Variants in PDE4D observed in about 807,000 individuals in gnomAD.
PDE4D encodes phosphodiesterase 4D.
A neutral mutation model predicts 87.4 loss-of-function variants in PDE4D; 24 were observed. The observed-to-expected ratio is 0.27, with a 90% CI of 0.20 to 0.39. The LOEUF (loss-of-function observed/expected upper bound fraction) is 0.39, where lower values mean the gene tolerates loss of function less well. PDE4D is among the 10% of genes least tolerant of loss of function. PDE4D has a pLI of 1.00. For synonymous variants in PDE4D, 384 were observed against 383.2 expected (o/e 1.00, Z -0.02); for missense variants, 714 against 1,041.0 (o/e 0.69, Z 4.32).
intron 6 of PDE4D, among the ~76,000 whole-genome samples, chr5:59,034,906 A>C (rs919128515): frequency 6.6e-6 from 1 of 152,220 alleles, no homozygotes; most frequent in East Asian, 1.9e-4. Context: ...TTATAGTGAT[A>C]TGTCTTGGGA....
intron 1 of PDE4D, among the ~76,000 whole-genome samples, chr5:59,499,303 A>G (rs904172899): frequency 4.0e-5 from 6 of 151,458 alleles, no homozygotes; most frequent in South Asian, 4.2e-4. Context: ...CTGAATGTCT[A>G]CATCAAGAAG....
intron 11 of PDE4D, among the ~76,000 whole-genome samples, chr5:58,984,315 T>G (rs550680826): frequency 1.3e-5 from 2 of 152,318 alleles, no homozygotes; most frequent in African/African-American, 2.4e-5. Flanking sequence ...ATGCCATAAA[T>G]TCACTTATTA....
At chr5:60,361,804 C>A (rs1054256542) in intron 1 of PDE4D, among the ~76,000 whole-genome samples, 1 of 152,206 alleles carries the variant, frequency 6.6e-6, no homozygotes, top group Non-Finnish European at 1.5e-5. Context: ...AATGGACAGA[C>A]AGCATGAGCA....
intron 1 of PDE4D, among the ~76,000 whole-genome samples, chr5:60,403,720 C>T (rs1339805585): frequency 2.0e-5 from 3 of 152,228 alleles, no homozygotes; most frequent in Admixed American, 6.5e-5. Flanking sequence ...AATTTAAGCC[C>T]AGTCTGCTGT....
intron 1 of PDE4D, among the ~76,000 whole-genome samples, chr5:59,446,729 A>C (rs993474077): frequency 1.3e-5 from 2 of 152,224 alleles, no homozygotes; most frequent in African/African-American, 4.8e-5. Context: ...GGCATCATTG[A>C]GAAAGGCTCA....
intron 5 of PDE4D, among the ~76,000 whole-genome samples, chr5:59,156,456 CT>C (rs1055080945): frequency 2.7e-5 from 4 of 150,102 alleles, no homozygotes; most frequent in African/African-American, 7.4e-5. Flanking sequence ...TCTCAGAAGC[CT>C]TTTCTAAAAG....
At chr5:59,309,427 G>GA (rs1222194602) in intron 1 of PDE4D, among the ~76,000 whole-genome samples, 1 of 152,218 alleles carries the variant, frequency 6.6e-6, no homozygotes, top group African/African-American at 2.4e-5. Context: ...AGAGCTTCCA[G>GA]GGCCTTTCTG....
At chr5:59,531,215 A>G (rs1003803583) in intron 1 of PDE4D, among the ~76,000 whole-genome samples, 2 of 152,184 alleles carry the variant, frequency 1.3e-5, no homozygotes, top group African/African-American at 4.8e-5. Flanking sequence ...AGTCAGGCTG[A>G]TCATTGTCCT....
intron 2 of PDE4D, among the ~76,000 whole-genome samples, chr5:60,025,887 C>CA (rs1168897585): frequency 1.2e-4 from 18 of 152,198 alleles, no homozygotes; most frequent in Admixed American, 3.9e-4. Flanking sequence ...GTCTCAGAAA[C>CA]AACAAACAAA....
At chr5:59,121,468 A>C (rs901727930) in intron 5 of PDE4D, among the ~76,000 whole-genome samples, 4 of 152,148 alleles carry the variant, frequency 2.6e-5, no homozygotes, top group Non-Finnish European at 5.9e-5. Context: ...CTAATAATCA[A>C]GGAAATGCAA....
intron 1 of PDE4D, among the ~76,000 whole-genome samples, chr5:59,791,351 C>T (rs547607712): frequency 2.0e-5 from 3 of 152,344 alleles, no homozygotes; most frequent in South Asian, 2.1e-4. Flanking sequence ...GAGTTCACGG[C>T]GCTGAGAGCA....
Position 59,215,915 on chromosome 5 carries a change from G to C in PDE4D, c.509C>G (p.Thr170Ser). The stretch of plus-strand genomic sequence containing the variant: ...GAGAATTAGCCCGGATCCTGGGCTG[G>C]TCATGGGATCCAAGGGACTCCGTCC... ...SAGRSPLDPMTSPGSGLILQA... is the reference protein window; with the variant it reads ...SAGRSPLDPMSSPGSGLILQA... The change falls in exon 2 of 15, where the codon ACC becomes AGC. Residue 170 changes from threonine (T) to serine (S), a missense_variant. Physicochemically the swap from Thr to Ser is moderately conservative, Grantham distance 58. Around this residue, in one of 7 missense-constraint regions of PDE4D, gnomAD observed 268 missense variants for 272.9 expected, o/e 0.98. Coordinates refer to ENST00000340635, the MANE Select transcript of PDE4D (RefSeq NM_001104631.2). 5 of 1,613,090 alleles carry C rather than the reference G, an allele frequency of 3.1e-6. No individual in the cohort carries two copies. Among genetic ancestry groups the C allele is most frequent in the South Asian group, 1.1e-5 (1 of 91,060 alleles).
At chr5:60,106,702 A>T (rs1363642079) in intron 2 of PDE4D, among the ~76,000 whole-genome samples, 17 of 152,144 alleles carry the variant, frequency 1.1e-4, no homozygotes, top group Admixed American at 3.9e-4. Flanking sequence ...GGATTAAGAA[A>T]CTCATTCAAA....
At chr5:60,280,702 C>A (rs575498750) in intron 1 of PDE4D, among the ~76,000 whole-genome samples, 1 of 152,210 alleles carries the variant, frequency 6.6e-6, no homozygotes, top group South Asian at 2.1e-4. Context: ...CATCATGGGC[C>A]TTGAGAAGTT....
chr5:60,026,904 C>A (rs747672412), intron 2 of PDE4D, among the ~76,000 whole-genome samples: 2 of 152,120 alleles, frequency 1.3e-5, no homozygotes, highest in Non-Finnish European at 2.9e-5. Flanking sequence ...TACTAATGAG[C>A]TTCTCACACC....
chr5:59,771,483 A>AAGAAAG (rs1379469312), intron 1 of PDE4D, among the ~76,000 whole-genome samples: 67 of 54,314 alleles, frequency 1.2e-3, no homozygotes, highest in African/African-American at 1.1e-3. Context: ...GAAAGAAAGA[A>AAGAAAG]AGAGAGAGAG....
At chr5:59,209,086 T>C (rs533064232) in intron 2 of PDE4D, among the ~76,000 whole-genome samples, 125 of 152,288 alleles carry the variant, frequency 8.2e-4, no homozygotes, top group Non-Finnish European at 1.5e-3. Flanking sequence ...TTCTCTACTC[T>C]AGAGCACATC....
chr5:59,084,724 A>G (rs1285416930), intron 5 of PDE4D, among the ~76,000 whole-genome samples: 1 of 152,018 alleles, frequency 6.6e-6, no homozygotes, highest in Non-Finnish European at 1.5e-5. Flanking sequence ...CCTGTCTCCT[A>G]AAAAATAAAT....
intron 11 of PDE4D, among the ~76,000 whole-genome samples, chr5:58,978,521 G>A (rs12188697): frequency 0.07 from 10,695 of 152,214 alleles, 418 homozygotes; most frequent in African/African-American, 0.087. Context: ...AATATATTTG[G>A]AAATATATAT....
Sources: allele counts gnomAD v4.1 joint callset (sites outside exome capture counted in the v4.1 genomes callset), GRCh38; gene constraint gnomAD v4.1.1; regional missense constraint gnomAD v4.1.1; transcripts MANE v1.5; gene names NCBI Gene and HGNC (gene_info 2026-07-23, HGNC 2026-07-21).